The following SYNE2 variants were observed in gnomAD, a reference collection of about 807,000 sequenced individuals.
SYNE2 encodes nesprin-2.
A neutral mutation model predicts 856.3 loss-of-function variants in SYNE2; 431 were observed. The ratio of observed to expected loss-of-function variants is 0.50; its 90% CI spans 0.47 to 0.55. SYNE2 has a LOEUF of 0.55. SYNE2 is among the 20% of genes least tolerant of loss of function. SYNE2 has a pLI of 0.00. For synonymous variants in SYNE2, 2,923 were observed against 2,872.3 expected (o/e 1.02, Z -0.56); for missense variants, 8,129 against 8,023.2 (o/e 1.01, Z -0.50).
chr14:64,105,056 C>T lies in SYNE2; in HGVS notation c.12493-2435C>T, dbSNP rs142781439. 6.6e-5 allele frequency among the ~76,000 whole-genome samples: 10 copies of T among 152,290 alleles called. No individual in the cohort carries two copies. The East Asian group carries it at 1.9e-3, about 29-fold the overall frequency. ...GCCTCATTTCTCTCACCTGTCACAT[C>T]CTGTCAGTGGCCAATGATGTCCATT... On this transcript the variant is annotated intron_variant, in intron 64 of 115. Transcript: ENST00000555002.
chr14:64,107,730 A>G (rs1009138274), intron 65 of SYNE2, 123 bp downstream of exon 65: 18 of 821,952 alleles, frequency 2.2e-5, no homozygotes, highest in Admixed American at 6.9e-5. Context: ...GAACTTTAAC[A>G]TATGAAGATA....
rs1394210942 is a variant in SYNE2 at position 64,146,213 on chromosome 14, T to C, written c.15629T>C (p.Leu5210Pro). ...ESVISVQKLLLDCQDIENQLA... is the reference protein window; with the variant it reads ...ESVISVQKLLPDCQDIENQLA... Reference sequence around the variant, plus strand: ...GTGATCTCAGTGCAGAAGCTGCTCCTGGACTGTCAGGTGAGGAGGGGAACA... The same window carrying C: ...GTGATCTCAGTGCAGAAGCTGCTCCCGGACTGTCAGGTGAGGAGGGGAACA... Residue 5210 changes from leucine (L) to proline (P), a missense_variant, in exon 84 of 116, where the codon CTG becomes CCG. This residue lies in a region of SYNE2 where 5,410 missense variants were observed against 5,284.8 expected (regional missense o/e 1.02). Transcript: ENST00000555002. 6.2e-7 allele frequency: 1 copy of C among 1,609,754 alleles called. No homozygotes were observed. Among genetic ancestry groups the C allele is most frequent in the Non-Finnish European group, 8.5e-7 (1 of 1,178,270 alleles).
chr14:63,762,947 G>C (rs1176744455), intron 1 of SYNE2, among the ~76,000 whole-genome samples: 1 of 152,078 alleles, frequency 6.6e-6, no homozygotes, highest in African/African-American at 2.4e-5. Context: ...AATTAAAATA[G>C]AACATAATTT....
At position 64,225,751 on chromosome 14, in the gene SYNE2, G is replaced by A; in HGVS notation, c.*225G>A. The A allele has an allele frequency of 1.6e-6, 1 of 607,556 alleles. No individual in the cohort carries two copies. The highest frequency in any genetic ancestry group is 1.9e-5 in the South Asian group (1 of 51,596). 37.6% of individuals were successfully genotyped at this position (607,556 alleles called of 1,614,324 possible). ...GTGTGGCAGGTGCCCCGGGTATTTT[G>A]GCAGAACTAGTTGATTAGTTTAGGG... is the stretch of plus-strand genomic sequence containing the variant. On this transcript the variant is annotated 3_prime_UTR_variant, in exon 116 of 116. Transcript: ENST00000555002.
At chr14:63,838,213 A>AG (rs1468975431) in intron 1 of SYNE2, among the ~76,000 whole-genome samples, 2 of 152,102 alleles carry the variant, frequency 1.3e-5, no homozygotes, top group Admixed American at 1.3e-4. Flanking sequence ...TACTAAAAAT[A>AG]CAAAAATTAG....
chr14:64,009,908 GAA>G (rs2096830485), intron 31 of SYNE2, 56 bp from the exon 32 acceptor site: 2 of 1,491,780 alleles, frequency 1.3e-6, no homozygotes, highest in Non-Finnish European at 1.9e-6. Flanking sequence ...CTTGCAAAGA[GAA>G]AGAACGGTTT....
At position 63,816,978 on chromosome 14, in the gene SYNE2, C is replaced by T. The variant is rs747495045; in HGVS notation, c.-304-35523C>T. 5.9e-5 allele frequency among the ~76,000 whole-genome samples: 9 copies of T among 152,264 alleles called. No individual in the cohort carries two copies. The Middle Eastern group carries it at 0.017, about 288-fold the overall frequency. ...TGTACTTCAGCCTTGAACTCCTGAC[C>T]TCAAGCAACCCTCCTGCCTCAGCCT... On this transcript the variant is annotated intron_variant, in intron 1 of 23. Coordinates refer to the SYNE2 transcript ENST00000674003.
chr14:63,868,148 G>A (rs1377341991), intron 1 of SYNE2, among the ~76,000 whole-genome samples: 2 of 152,202 alleles, frequency 1.3e-5, no homozygotes, highest in African/African-American at 4.8e-5. Context: ...AGCAACAAAT[G>A]AGATGCACAA....
At chr14:64,097,364 C>G (rs767353116) in intron 61 of SYNE2, among the ~76,000 whole-genome samples, 3 of 151,960 alleles carry the variant, frequency 2.0e-5, no homozygotes, top group Middle Eastern at 3.4e-3. Flanking sequence ...TTTAGTAATA[C>G]CAAAGAAGCC....
chr14:63,802,919 G>C (rs1888202444), intron 1 of SYNE2, among the ~76,000 whole-genome samples: 2 of 152,152 alleles, frequency 1.3e-5, no homozygotes, highest in African/African-American at 4.8e-5. Context: ...GAGTGTTACA[G>C]CTCATAAAAG....
chr14:64,142,979 A>G (rs1057023121), intron 82 of SYNE2, among the ~76,000 whole-genome samples: 7 of 152,368 alleles, frequency 4.6e-5, no homozygotes, highest in Admixed American at 6.5e-5. Context: ...GGCTGATGGA[A>G]CTAGCTTCTG....
intron 103 of SYNE2, 57 bp downstream of exon 103, chr14:64,210,181 T>TA: frequency 6.3e-7 from 1 of 1,581,830 alleles, no homozygotes; most frequent in Admixed American, 1.7e-5. Flanking sequence ...TAACGCACGA[T>TA]ACGCAATGGC....
intron 61 of SYNE2, among the ~76,000 whole-genome samples, chr14:64,094,058 C>T (rs865965020): frequency 6.6e-6 from 1 of 151,898 alleles, no homozygotes; most frequent in African/African-American, 2.4e-5. Flanking sequence ...GTGGGCCGGG[C>T]GCGGTGGCTC....
At chr14:63,928,391 T>C (rs192948262) in intron 2 of SYNE2, among the ~76,000 whole-genome samples, 1 of 152,360 alleles carries the variant, frequency 6.6e-6, no homozygotes, top group East Asian at 1.9e-4. Context: ...TCACTGTGTT[T>C]ATCAGTTATG....
At chr14:63,879,778 C>T (rs576394777) in intron 1 of SYNE2, among the ~76,000 whole-genome samples, 3 of 152,226 alleles carry the variant, frequency 2.0e-5, no homozygotes, top group African/African-American at 7.2e-5. Context: ...TTACAAATAC[C>T]GCAAGATTAA....
rs1209168203 is a variant in SYNE2, at chr14:63,950,005, A to T, written c.589A>T (p.Thr197Ser). ...TTTGTGGGCTCAGGAACAATGCGCC[A>T]CGTAAGTAGTTTGCTATGACCCTAA... ...LLLWAQEQCA[T>S]YESVNVTDFK... The change falls in exon 7 of 116, where the codon ACC becomes TCC. Residue 197 changes from threonine to serine, a missense_variant and splice_region_variant. Physicochemically the swap from Thr to Ser is moderately conservative, Grantham distance 58. Transcript: ENST00000555002. 1 of 1,614,074 alleles carries T rather than the reference A, an allele frequency of 6.2e-7. No individual in the cohort carries two copies. The highest frequency in any genetic ancestry group is 1.1e-5 in the South Asian group (1 of 91,084).
intron 1 of SYNE2, among the ~76,000 whole-genome samples, chr14:63,879,004 G>A (rs1459617809): frequency 1.3e-5 from 2 of 152,142 alleles, no homozygotes; most frequent in African/African-American, 4.8e-5. Flanking sequence ...CTTGCTTGAG[G>A]CCAAGACCAG....
chr14:63,960,534 G>A (rs934796903), intron 8 of SYNE2, among the ~76,000 whole-genome samples: 1 of 152,046 alleles, frequency 6.6e-6, no homozygotes, highest in Non-Finnish European at 1.5e-5. Flanking sequence ...CCCTGCCTGT[G>A]ACCCACATTT....
chr14:64,186,533 A>G lies in SYNE2; in HGVS notation c.17666A>G (p.Glu5889Gly), dbSNP rs1294579212. 1 of 1,614,102 alleles carries G rather than the reference A, an allele frequency of 6.2e-7. No homozygotes were observed. Among genetic ancestry groups the G allele is most frequent in the East Asian group, 2.2e-5 (1 of 44,902 alleles). Reference protein sequence around the residue: ...VLVEDVMVLKEQIEHLHRQWE... With the variant: ...VLVEDVMVLKGQIEHLHRQWE... ...GTGGAAGATGTGATGGTTTTGAAGG[A>G]GCAAATAGAGCATTTGCACAGACAA... The change falls in exon 97 of 116, where the codon GAG (glutamate) becomes GGG (glycine). Residue 5889 changes from glutamate to glycine, a missense_variant. Around this residue, in one of 3 missense-constraint regions of SYNE2, gnomAD observed 5,410 missense variants for 5,284.8 expected, o/e 1.02. Coordinates refer to ENST00000555002, the MANE Select transcript of SYNE2 (RefSeq NM_182914.3).
Sources: gnomAD v4.1 joint callset for allele counts (sites outside exome capture counted in the v4.1 genomes callset) on GRCh38, gnomAD v4.1.1 for gene constraint, gnomAD v4.1.1 regional missense constraint, MANE v1.5 for transcripts, NCBI Gene and HGNC (gene_info 2026-07-23, HGNC 2026-07-21) for gene names.